ANKRD18A: variants seen among roughly 807,000 people sequenced by gnomAD.
The protein encoded by ANKRD18A is ankyrin repeat domain 18A.
Under a neutral mutation model 110.6 loss-of-function variants are expected in ANKRD18A, and 72 were observed. That is an observed-to-expected ratio of 0.65 (90% CI 0.54 to 0.79). The LOEUF is 0.79. ANKRD18A is among the 30% of genes least tolerant of loss of function. The pLI, the probability that ANKRD18A is intolerant of heterozygous loss-of-function variation, is 0.00. For synonymous variants in ANKRD18A, 305 were observed against 410.3 expected, an observed-to-expected ratio of 0.74 and a Z score of 3.10; for missense variants, 934 against 1,163.3, an observed-to-expected ratio of 0.80 and a Z score of 2.87.
chr9:38,608,930 A>G (rs186257935), intron 5 of ANKRD18A, among the ~76,000 whole-genome samples: 2 of 152,226 alleles, frequency 1.3e-5, no homozygotes, highest in Non-Finnish European at 2.9e-5. Context: ...TTCCTGCAAC[A>G]TTATTTGAAC....
At chr9:38,577,742 C>G in intron 13 of ANKRD18A, 125 bp downstream of exon 13, 2 of 1,117,502 alleles carry the variant, frequency 1.8e-6, no homozygotes, top group Non-Finnish European at 2.4e-6. Flanking sequence ...TTTTCTAGAA[C>G]TCTACGAAGG....
In ANKRD18A at chr9:38,616,026, G is replaced by A. The variant is rs965604018; in HGVS notation, c.225C>T (p.Ala75=). 13 of 1,589,702 alleles carry A rather than the reference G, an allele frequency of 8.2e-6. No individual in the cohort carries two copies. The highest frequency in any genetic ancestry group is 7.2e-5 in the Admixed American group (4 of 55,710). ...DRKDRTVLHL[A]CAHGRVQVVT... ...CCACTTGCACACGGCCATGGGCACA[G>A]GCCAAATGTAGAACAGTCCTAGGAG... Residue 75 remains alanine, a synonymous_variant, in exon 2 of 16, where the codon GCC becomes GCT. Coordinates refer to ENST00000399703, the MANE Select transcript of ANKRD18A (RefSeq NM_147195.4).
chr9:38,569,188 C>T, downstream of ANKRD18A: 1 of 984,040 alleles, frequency 1.0e-6, no homozygotes, highest in South Asian at 4.7e-5. Context: ...GGTGACAGGG[C>T]CATGATGGGG....
intron 12 of ANKRD18A, among the ~76,000 whole-genome samples, chr9:38,583,557 T>G (rs1317184469): frequency 2.0e-5 from 3 of 152,024 alleles, no homozygotes; most frequent in Admixed American, 1.3e-4. Context: ...GCCCAGCTAA[T>G]TTTTGTATTT....
chr9:38,598,145 C>G (rs1374468149), intron 8 of ANKRD18A, among the ~76,000 whole-genome samples: 2 of 152,100 alleles, frequency 1.3e-5, no homozygotes, highest in Non-Finnish European at 2.9e-5. Context: ...TGCTTTCCTC[C>G]CACTGTCTTA....
chr9:38,600,424 C>T (rs1029983793), intron 8 of ANKRD18A, among the ~76,000 whole-genome samples: 3 of 152,190 alleles, frequency 2.0e-5, no homozygotes, highest in Admixed American at 1.3e-4. Context: ...AAATGCTATA[C>T]TGTAATATGA....
In ANKRD18A at chr9:38,596,204, A is replaced by AT. The variant is rs1338085438; in HGVS notation, c.1135dup (p.Met379AsnfsTer14). On this transcript the variant is annotated frameshift_variant, in exon 9 of 16. Coordinates refer to ENST00000399703, the MANE Select transcript of ANKRD18A (RefSeq NM_147195.4). LOFTEE classifies it high-confidence loss of function. The stretch of plus-strand genomic sequence containing the variant: ...ATACCGGGCCACTGTTTTTGTTATC[A>AT]TTTTTTCATTGAGTCTTACACTCTT... 6 of 1,535,706 alleles carry AT rather than the reference A, an allele frequency of 3.9e-6. No individual in the cohort carries two copies. In the African/African-American group the frequency reaches 4.2e-5, roughly 11 times the overall value.
At chr9:38,580,409 C>A (rs1052331757) in intron 12 of ANKRD18A, among the ~76,000 whole-genome samples, 1 of 152,178 alleles carries the variant, frequency 6.6e-6, no homozygotes, top group African/African-American at 2.4e-5. Context: ...CCAGACTACA[C>A]TAGCAAGACC....
At position 38,610,556 on chromosome 9, in the gene ANKRD18A, T is replaced by C. The variant is rs977442828; in HGVS notation, c.603-146A>G. 10 of 1,154,514 alleles carry C rather than the reference T, an allele frequency of 8.7e-6. No individual in the cohort carries two copies. The African/African-American group carries it at 1.3e-4, about 15-fold the overall frequency. 71.5% of individuals were successfully genotyped at this position (1,154,514 alleles called of 1,614,324 possible). ...ATGTACTAGCTTATGTGTATAAGCA[T>C]CTTGGGTGCTCAAGTGTTCATCTTG... On this transcript the variant is annotated intron_variant, in intron 4 of 15. Transcript: ENST00000399703.
At position 38,620,297 on chromosome 9, in the gene ANKRD18A, C is replaced by G; in HGVS notation, c.-12G>C. The G allele has an allele frequency of 6.5e-7, 1 of 1,549,554 alleles. No individual in the cohort carries two copies. The highest frequency in any genetic ancestry group is 8.7e-7 in the Non-Finnish European group (1 of 1,145,924). ...AAGAGCTTCCTCATGGTGGCGACTTCTCAGACGCCCACCACCCGCTCCTGA... is the reference window on the plus strand; with the variant it reads ...AAGAGCTTCCTCATGGTGGCGACTTGTCAGACGCCCACCACCCGCTCCTGA... On this transcript the variant is annotated 5_prime_UTR_variant, in exon 1 of 16. Coordinates refer to ENST00000399703, the MANE Select transcript of ANKRD18A (RefSeq NM_147195.4).
intron 8 of ANKRD18A, among the ~76,000 whole-genome samples, chr9:38,599,439 A>G (rs979684583): frequency 5.3e-5 from 8 of 151,854 alleles, no homozygotes; most frequent in Non-Finnish European, 8.8e-5. Flanking sequence ...AACTTTCACC[A>G]ATCTTCAGTT....
chr9:38,577,597 G>C (rs1823951743), intron 13 of ANKRD18A, among the ~76,000 whole-genome samples: 1 of 152,012 alleles, frequency 6.6e-6, no homozygotes, highest in South Asian at 2.1e-4. Flanking sequence ...CTAAATCACA[G>C]TTTTCTCTTA....
At chr9:38,588,485 T>TC in intron 11 of ANKRD18A, 66 bp downstream of exon 11, 1 of 1,045,542 alleles carries the variant, frequency 9.6e-7, no homozygotes, top group Non-Finnish European at 1.3e-6. Flanking sequence ...AAAGTTTTAG[T>TC]CAAGTAAAGT....
In ANKRD18A at chr9:38,583,723, A is replaced by G. The variant is rs566721136; in HGVS notation, c.2247+2460T>C. On this transcript the variant is annotated intron_variant, in intron 12 of 15. Transcript: ENST00000399703. ...TTATTAATAAGAGTCAAAAAGTGGAAAGAACCCAAAGGTCCATCACCTCAT... is the reference window on the plus strand; with the variant it reads ...TTATTAATAAGAGTCAAAAAGTGGAGAGAACCCAAAGGTCCATCACCTCAT... 1.5e-3 allele frequency among the ~76,000 whole-genome samples: 223 copies of G among 152,328 alleles called. 1 individual carries two copies. Among genetic ancestry groups the G allele is most frequent in the African/African-American group, 5.0e-3 (206 of 41,584 alleles).
intron 6 of ANKRD18A, among the ~76,000 whole-genome samples, chr9:38,606,728 T>C (rs1295218311): frequency 6.6e-6 from 1 of 152,210 alleles, no homozygotes; most frequent in Admixed American, 6.5e-5. Flanking sequence ...AATATTTAGT[T>C]ACTAAATGTA....
In ANKRD18A at chr9:38,575,635, A is replaced by T; in HGVS notation, c.2805T>A (p.Tyr935Ter). 1 of 1,551,724 alleles carries T rather than the reference A, an allele frequency of 6.4e-7. No homozygotes were observed. The highest frequency in any genetic ancestry group is 1.2e-5 in the South Asian group (1 of 84,048). The change falls in exon 15 of 16, where the codon TAT (tyrosine) becomes TAA (stop). Residue 935 changes from tyrosine (Y) to a stop codon, truncating the protein, a stop_gained. Coordinates refer to ENST00000399703, the MANE Select transcript of ANKRD18A (RefSeq NM_147195.4). LOFTEE classifies it high-confidence loss of function. ...KLFTEKQRMK[Y>*]FLSTLPTRPE... Reference sequence around the variant, plus strand: ...GCCTTGTAGGAAGAGTGCTGAGAAAATATTTCATCCGCTGTTTCTCCGTAA... The same window carrying T: ...GCCTTGTAGGAAGAGTGCTGAGAAATTATTTCATCCGCTGTTTCTCCGTAA...
chr9:38,619,805 G>T (rs538876866), intron 1 of ANKRD18A, among the ~76,000 whole-genome samples: 10 of 152,308 alleles, frequency 6.6e-5, no homozygotes, highest in Admixed American at 3.3e-4. Flanking sequence ...ATTTTTGACA[G>T]GGGAATGAGT....
intron 1 of ANKRD18A, among the ~76,000 whole-genome samples, chr9:38,618,880 T>TATAA (rs1554681083): frequency 6.7e-6 from 1 of 149,482 alleles, no homozygotes; most frequent in Non-Finnish European, 1.5e-5. Flanking sequence ...TATATATATA[T>TATAA]AACACATTAT....
intron 7 of ANKRD18A, among the ~76,000 whole-genome samples, chr9:38,602,921 G>A (rs1478134904): frequency 6.6e-6 from 1 of 152,184 alleles, no homozygotes; most frequent in Admixed American, 6.5e-5. Flanking sequence ...TTCTATCTCA[G>A]CCTCCAACAC....
Sources: allele counts gnomAD v4.1 joint callset (sites outside exome capture counted in the v4.1 genomes callset), GRCh38; gene constraint gnomAD v4.1.1; transcripts MANE v1.5; gene names NCBI Gene and HGNC (gene_info 2026-07-23, HGNC 2026-07-21).